The following AADACL4 variants were observed in gnomAD, a reference collection of about 807,000 sequenced individuals.
AADACL4 encodes arylacetamide deacetylase like 4, also known as arylacetamide deacetylase-like 4.
In AADACL4, 9 loss-of-function variants were observed where a neutral mutation model predicts 14.1. The ratio of observed to expected loss-of-function variants is 0.64; its 90% CI spans 0.39 to 1.12. The LOEUF (loss-of-function observed/expected upper bound fraction) is 1.12. Among genes scored for constraint, AADACL4 ranks in the 50% most tolerant of loss-of-function variants. AADACL4 has a pLI of 0.01. For synonymous variants in AADACL4, 188 were observed against 201.6 expected, an observed-to-expected ratio of 0.93 and a Z score of 0.57; for missense variants, 531 against 516.1, an observed-to-expected ratio of 1.03 and a Z score of -0.28.
At chr1:12,662,479 C>G (rs1428478138) in intron 3 of AADACL4, among the ~76,000 whole-genome samples, 1 of 152,054 alleles carries the variant, frequency 6.6e-6, no homozygotes, top group Non-Finnish European at 1.5e-5. Flanking sequence ...AGCTTCTGGT[C>G]CTACAGGAAC....
At chr1:12,655,144 A>G (rs1284668004) in intron 2 of AADACL4, among the ~76,000 whole-genome samples, 1 of 152,160 alleles carries the variant, frequency 6.6e-6, no homozygotes, top group Non-Finnish European at 1.5e-5. Context: ...TAATATATAT[A>G]CTATATAGAC....
intron 2 of AADACL4, among the ~76,000 whole-genome samples, chr1:12,657,606 AAG>A (rs1163169724): frequency 6.6e-6 from 1 of 152,210 alleles, no homozygotes; most frequent in Non-Finnish European, 1.5e-5. Flanking sequence ...AGGCAGACTC[AAG>A]AGAGACACGT....
rs367907348 is a variant in AADACL4, at chr1:12,666,614, C to T, written c.1103C>T (p.Thr368Ile). 6.2e-7 allele frequency: 1 copy of T among 1,614,110 alleles called. No homozygotes were observed. The highest frequency in any genetic ancestry group is 8.5e-7 in the Non-Finnish European group (1 of 1,180,046). The change falls in exon 4 of 4, where the codon ACA becomes ATA. Residue 368 changes from threonine to isoleucine, a missense_variant. Thr to Ile is a moderately conservative substitution (Grantham distance 89). Coordinates refer to ENST00000376221, the MANE Select transcript of AADACL4 (RefSeq NM_001013630.2). ...KRLEDQGVRVTWYHLYDGFHG... is the reference protein window; with the variant it reads ...KRLEDQGVRVIWYHLYDGFHG... ...TTGGAGGACCAGGGGGTCCGCGTGA[C>T]ATGGTACCACCTGTATGATGGTTTT...
intron 1 of AADACL4, among the ~76,000 whole-genome samples, chr1:12,650,745 A>T (rs778361447): frequency 7.9e-5 from 12 of 152,032 alleles, no homozygotes; most frequent in Non-Finnish European, 1.5e-4. Context: ...GTCGGCCAGA[A>T]TGGTCTTGAT....
At position 12,644,601 on chromosome 1, in the gene AADACL4, G is replaced by A. The variant is rs772628879; in HGVS notation, c.55G>A (p.Val19Ile). 1 of 1,614,112 alleles carries A rather than the reference G, an allele frequency of 6.2e-7. No homozygotes were observed. The highest frequency in any genetic ancestry group is 1.1e-5 in the South Asian group (1 of 91,078). Residue 19 changes from valine (V) to isoleucine (I), a missense_variant, in exon 1 of 4, where the codon GTC (valine) becomes ATC (isoleucine). Val to Ile is a conservative substitution (Grantham distance 29, BLOSUM62 3). Coordinates refer to ENST00000376221, the MANE Select transcript of AADACL4 (RefSeq NM_001013630.2). ...LLALPIFFLGVFVWAVFEHFL... is the reference protein window; with the variant it reads ...LLALPIFFLGIFVWAVFEHFL... Reference sequence around the variant, plus strand: ...GGCATTGCCCATCTTTTTCCTGGGGGTCTTTGTCTGGGCTGTCTTTGAGCA... The same window carrying A: ...GGCATTGCCCATCTTTTTCCTGGGGATCTTTGTCTGGGCTGTCTTTGAGCA...
Position 12,648,388 on chromosome 1 carries a change from C to CCTTT in AADACL4, c.169-2729_169-2726dup, listed in dbSNP as rs1308431699. Among the ~76,000 whole-genome samples, 77 of 146,848 alleles carry CCTTT rather than the reference C, an allele frequency of 5.2e-4. 1 individual carries two copies. Among genetic ancestry groups the CCTTT allele is most frequent in the East Asian group, 1.4e-3 (7 of 5,040 alleles). On this transcript the variant is annotated intron_variant, in intron 1 of 3. Coordinates refer to ENST00000376221, the MANE Select transcript of AADACL4 (RefSeq NM_001013630.2). ...TCCTTCCTTCCTTCCTTCCTTCCTTCCTTTCTTTCCTTCTTTCCTTTTTTT... is the reference window on the plus strand; with the variant it reads ...TCCTTCCTTCCTTCCTTCCTTCCTTCCTTTCTTTCTTTCCTTCTTTCCTTTTTTT...
chr1:12,651,207 C>G lies in AADACL4; in HGVS notation c.253C>G (p.Pro85Ala). The G allele has an allele frequency of 6.2e-7, 1 of 1,614,186 alleles. No individual in the cohort carries two copies. Among genetic ancestry groups the G allele is most frequent in the Non-Finnish European group, 8.5e-7 (1 of 1,180,034 alleles). The change falls in exon 2 of 4, where the codon CCT becomes GCT. Residue 85 changes from proline (P) to alanine (A), a missense_variant. Coordinates refer to ENST00000376221, the MANE Select transcript of AADACL4 (RefSeq NM_001013630.2). ...LHDSVRIKKD[P>A]ELVVTDLRFG... ...TGATAGCGTGAGAATTAAAAAGGAC[C>G]CTGAACTTGTGGTGACCGACCTGCG...
In AADACL4 at chr1:12,661,501, T is replaced by C. The variant is rs1331330719; in HGVS notation, c.386-290T>C. ...CATGCCTAACTTCCCTTGGTTTTTT[T>C]CCATTTCAGATCACTAAGATTTCCA... On this transcript the variant is annotated intron_variant, in intron 2 of 3. Coordinates refer to ENST00000376221, the MANE Select transcript of AADACL4 (RefSeq NM_001013630.2). 2.6e-5 allele frequency among the ~76,000 whole-genome samples: 4 copies of C among 152,332 alleles called. No homozygotes were observed. In the South Asian group the frequency reaches 6.2e-4, roughly 24 times the overall value.
chr1:12,649,364 C>A (rs1346988463), intron 1 of AADACL4, among the ~76,000 whole-genome samples: 6 of 152,158 alleles, frequency 3.9e-5, no homozygotes, highest in Non-Finnish European at 7.3e-5. Flanking sequence ...GGGAAGACAG[C>A]TGGGGAGATT....
rs539272676 is a variant in AADACL4, at chr1:12,647,901, G to A, written c.168+3187G>A. Reference sequence around the variant, plus strand: ...TTGAACTCCTGGGCTCAAGAGATCCGCCTGCCTTGGCCTCCCAAACTGTTA... The same window carrying A: ...TTGAACTCCTGGGCTCAAGAGATCCACCTGCCTTGGCCTCCCAAACTGTTA... On this transcript the variant is annotated intron_variant, in intron 1 of 3. Transcript: ENST00000376221. 7.9e-5 allele frequency among the ~76,000 whole-genome samples: 12 copies of A among 151,768 alleles called. No homozygotes were observed. In the East Asian group the frequency reaches 1.2e-3, roughly 15 times the overall value.
rs1557550825 is a variant in AADACL4, at chr1:12,658,127, C to CTTTCTTTCTTTCTTT, written c.386-3664_386-3663insTTTCTTTCTTTCTTT. Among the ~76,000 whole-genome samples the CTTTCTTTCTTTCTTT allele has an allele frequency of 1.8e-4, 22 of 119,494 alleles. 1 individual carries two copies. The highest frequency in any genetic ancestry group is 1.1e-3 in the African/African-American group (22 of 19,938). 78.4% of individuals were successfully genotyped at this position (119,494 alleles called of 152,430 possible). A position where few individuals can be genotyped will look rare whatever the true frequency, so the allele number is the denominator to read the frequency against. On this transcript the variant is annotated intron_variant, in intron 2 of 3. Coordinates refer to ENST00000376221, the MANE Select transcript of AADACL4 (RefSeq NM_001013630.2). ...TCTTTCTTTCCTTCCTTCCTTCCTTCCTTCCTTCCTTCCTTTCTTTCTTTC... is the reference window on the plus strand; with the variant it reads ...TCTTTCTTTCCTTCCTTCCTTCCTTCTTTCTTTCTTTCTTTCTTCCTTCCTTCCTTTCTTTCTTTC...
chr1:12,658,052 C>T (rs1398379728), intron 2 of AADACL4, among the ~76,000 whole-genome samples: 3 of 149,764 alleles, frequency 2.0e-5, no homozygotes, highest in Non-Finnish European at 4.4e-5. Flanking sequence ...TTCCTTCCTT[C>T]CTTCCTTTCT....
At chr1:12,665,059 C>G (rs1006481365) in intron 3 of AADACL4, among the ~76,000 whole-genome samples, 7 of 152,028 alleles carry the variant, frequency 4.6e-5, no homozygotes, top group Admixed American at 4.6e-4. Flanking sequence ...CTCCCTGCCC[C>G]TCTTGCCTCC....
chr1:12,658,802 C>T (rs900958869), intron 2 of AADACL4, among the ~76,000 whole-genome samples: 1 of 152,058 alleles, frequency 6.6e-6, no homozygotes, highest in Non-Finnish European at 1.5e-5. Flanking sequence ...TCTCCACCCC[C>T]GGCTTCATCC....
Position 12,666,324 on chromosome 1 carries a change from T to A in AADACL4, c.813T>A (p.Thr271=). The change falls in exon 4 of 4, where the codon ACT becomes ACA. Residue 271 remains threonine (T), a synonymous_variant. Transcript: ENST00000376221. ...LSWRDAILNG[T]CVPPDVWRKY... Reference sequence around the variant, plus strand: ...GGCGTGACGCCATCTTGAACGGCACTTGTGTACCCCCAGACGTCTGGAGGA... The same window carrying A: ...GGCGTGACGCCATCTTGAACGGCACATGTGTACCCCCAGACGTCTGGAGGA... 1 of 1,614,202 alleles carries A rather than the reference T, an allele frequency of 6.2e-7. No individual in the cohort carries two copies. Among genetic ancestry groups the A allele is most frequent in the Non-Finnish European group, 8.5e-7 (1 of 1,180,042 alleles).
At chr1:12,646,400 G>A (rs1647111982) in intron 1 of AADACL4, among the ~76,000 whole-genome samples, 1 of 152,152 alleles carries the variant, frequency 6.6e-6, no homozygotes, top group South Asian at 2.1e-4. Context: ...GTTCCCCATG[G>A]GTTACAAAAA....
intron 2 of AADACL4, among the ~76,000 whole-genome samples, chr1:12,652,196 A>G (rs1647152750): frequency 6.6e-6 from 1 of 152,090 alleles, no homozygotes; most frequent in Non-Finnish European, 1.5e-5. Context: ...GTGCCCTTCC[A>G]TGAAACCCAG....
At chr1:12,660,924 G>A (rs1432398563) in intron 2 of AADACL4, among the ~76,000 whole-genome samples, 1 of 152,196 alleles carries the variant, frequency 6.6e-6, no homozygotes, top group African/African-American at 2.4e-5. Flanking sequence ...TTACAGGCAT[G>A]AACCAGGGCA....
chr1:12,657,317 A>T (rs1013990170), intron 2 of AADACL4, among the ~76,000 whole-genome samples: 4 of 152,098 alleles, frequency 2.6e-5, no homozygotes, highest in Non-Finnish European at 4.4e-5. Flanking sequence ...GGAAGAAAGT[A>T]GTAATTCCAG....
Sources: gnomAD v4.1 joint callset for allele counts (sites outside exome capture counted in the v4.1 genomes callset) on GRCh38, gnomAD v4.1.1 for gene constraint, MANE v1.5 for transcripts, NCBI Gene and HGNC (gene_info 2026-07-23, HGNC 2026-07-21) for gene names.